OTUD7A: variants seen among roughly 807,000 people sequenced by gnomAD.
OTUD7A encodes OTU deubiquitinase 7A.
In OTUD7A, 12 loss-of-function variants were observed where a neutral mutation model predicts 65.7. That is an observed-to-expected ratio of 0.18 (90% confidence interval 0.12 to 0.30). The LOEUF (loss-of-function observed/expected upper bound fraction) is 0.30. Among genes scored for constraint, OTUD7A ranks in the 10% least tolerant of loss-of-function variants. The pLI is 1.00. For synonymous variants in OTUD7A, 641 were observed against 586.3 expected, an observed-to-expected ratio of 1.09 and a Z score of -1.35; for missense variants, 1,148 against 1,304.8, an observed-to-expected ratio of 0.88 and a Z score of 1.85.
At chr15:31,636,972 A>G (rs1256510456) in intron 3 of OTUD7A, among the ~76,000 whole-genome samples, 1 of 152,126 alleles carries the variant, frequency 6.6e-6, no homozygotes, top group Non-Finnish European at 1.5e-5. Flanking sequence ...CATCTTCAAT[A>G]ACATAAAAGT....
intron 1 of OTUD7A, among the ~76,000 whole-genome samples, chr15:31,755,081 G>A (rs1335694662): frequency 1.3e-5 from 2 of 151,342 alleles, no homozygotes; most frequent in Non-Finnish European, 3.0e-5. Context: ...GTGTGTGTGT[G>A]AAAGAGAGAA....
At chr15:31,739,291 G>A (rs1015101748) in intron 1 of OTUD7A, among the ~76,000 whole-genome samples, 2 of 152,152 alleles carry the variant, frequency 1.3e-5, no homozygotes, top group African/African-American at 4.8e-5. Flanking sequence ...GTCGCCTGAT[G>A]TCATCCAGTC....
chr15:31,753,703 T>TATATAATATATAACCTGTG, intron 1 of OTUD7A, among the ~76,000 whole-genome samples: 1 of 3,034 alleles, frequency 3.3e-4, no homozygotes, highest in African/African-American at 4.1e-4. Context: ...ATATATATAT[T>TATATAATATATAACCTGTG]ATATATATAT....
At chr15:31,764,968 C>T (rs569955473) in intron 1 of OTUD7A, among the ~76,000 whole-genome samples, 63 of 152,182 alleles carry the variant, frequency 4.1e-4, no homozygotes, top group African/African-American at 1.4e-3. Flanking sequence ...AAAATAAATA[C>T]CTTATGGAAG....
At position 31,609,491 on chromosome 15, in the gene OTUD7A, C is replaced by T. The variant is rs187491945; in HGVS notation, c.152-39294G>A. ...GCCTGCATGACTCAGCAGAGGCAGC[C>T]ATAATCCTCCCAGGAACACAACTCC... On this transcript the variant is annotated intron_variant, in intron 3 of 12. Transcript: ENST00000307050. Among the ~76,000 whole-genome samples the T allele has an allele frequency of 3.5e-3, 538 of 152,216 alleles. 5 individuals are homozygous for T. Among genetic ancestry groups the T allele is most frequent in the African/African-American group, 0.013 (521 of 41,534 alleles).
intron 3 of OTUD7A, among the ~76,000 whole-genome samples, chr15:31,643,932 G>C (rs7171868): frequency 6.6e-6 from 1 of 151,946 alleles, no homozygotes; most frequent in Non-Finnish European, 1.5e-5. Context: ...TGGAAGACCG[G>C]GCTGCAAACA....
At chr15:31,768,140 G>T in intron 1 of OTUD7A, 1 of 1,587,736 alleles carries the variant, frequency 6.3e-7, no homozygotes, top group African/African-American at 1.3e-5. Flanking sequence ...AAAAGATGTG[G>T]TAACTTCATT....
At chr15:31,778,010 C>T (rs1163131010) in intron 1 of OTUD7A, among the ~76,000 whole-genome samples, 2 of 152,008 alleles carry the variant, frequency 1.3e-5, no homozygotes, top group African/African-American at 4.8e-5. Flanking sequence ...TTCTGGTGGC[C>T]GGCCATGGGT....
intron 1 of OTUD7A, chr15:31,787,440 A>T (rs1270054335): frequency 6.6e-6 from 1 of 152,222 alleles, no homozygotes. Context: ...TCCATCAAAG[A>T]GTTAAAGATG....
At chr15:31,623,566 G>T (rs779544618) in intron 3 of OTUD7A, among the ~76,000 whole-genome samples, 6 of 152,252 alleles carry the variant, frequency 3.9e-5, no homozygotes, top group African/African-American at 9.6e-5. Context: ...CTCCGAGCCA[G>T]GCGTGGGATA....
At chr15:31,488,944 G>A (rs1319929524) in intron 10 of OTUD7A, among the ~76,000 whole-genome samples, 1 of 152,210 alleles carries the variant, frequency 6.6e-6, no homozygotes, top group Non-Finnish European at 1.5e-5. Context: ...TCTGATTTGA[G>A]AGGTCAGGGG....
chr15:31,835,739 T>C (rs1254339435), intron 1 of OTUD7A, among the ~76,000 whole-genome samples: 2 of 151,978 alleles, frequency 1.3e-5, no homozygotes, highest in East Asian at 1.9e-4. Context: ...TGTACACACA[T>C]ATATATACAT....
intron 1 of OTUD7A, among the ~76,000 whole-genome samples, chr15:31,863,708 G>C (rs972696055): frequency 3.3e-5 from 5 of 152,170 alleles, no homozygotes; most frequent in Non-Finnish European, 7.3e-5. Flanking sequence ...TTCTCCAGAG[G>C]GGCTGCCATG....
At chr15:31,688,214 CAAA>C (rs71424610) in intron 1 of OTUD7A, among the ~76,000 whole-genome samples, 2 of 134,294 alleles carry the variant, frequency 1.5e-5, no homozygotes. Flanking sequence ...GACTCCATCT[CAAA>C]AAAAAAAAAA....
rs2338934 is a variant in OTUD7A, at chr15:31,680,404, A to G, written c.-99-23327T>C. Among the ~76,000 whole-genome samples, 1,052 of 152,330 alleles carry G rather than the reference A, an allele frequency of 6.9e-3. 12 individuals carry two copies. The highest frequency in any genetic ancestry group is 0.024 in the African/African-American group (1,003 of 41,560). On this transcript the variant is annotated intron_variant, in intron 1 of 12. Transcript: ENST00000307050. ...AAAAAAGTTTGTCCATAGGAGATTGACTGAATCAAGCCTATTATATCAGTA... is the reference window on the plus strand; with the variant it reads ...AAAAAAGTTTGTCCATAGGAGATTGGCTGAATCAAGCCTATTATATCAGTA...
chr15:31,805,888 G>C (rs185412859), intron 1 of OTUD7A, among the ~76,000 whole-genome samples: 35 of 152,314 alleles, frequency 2.3e-4, no homozygotes, highest in South Asian at 2.1e-3. Flanking sequence ...AAGCAAGGGA[G>C]GAGACAAGAG....
At chr15:31,526,018 C>T (rs2042006734) in intron 8 of OTUD7A, among the ~76,000 whole-genome samples, 1 of 152,232 alleles carries the variant, frequency 6.6e-6, no homozygotes, top group Admixed American at 6.5e-5. Flanking sequence ...CTCCAGAGGC[C>T]TGCTGTGCCC....
chr15:31,563,725 A>C (rs1246697741), intron 4 of OTUD7A, among the ~76,000 whole-genome samples: 1 of 152,238 alleles, frequency 6.6e-6, no homozygotes, highest in Non-Finnish European at 1.5e-5. Context: ...ACACCAGAGC[A>C]GGGCAGTCCC....
chr15:31,610,593 T>TATATATATA (rs1890373610), intron 3 of OTUD7A, among the ~76,000 whole-genome samples: 1 of 81,020 alleles, frequency 1.2e-5, no homozygotes, highest in Non-Finnish European at 2.1e-5. Flanking sequence ...AAAAATGAAA[T>TATATATATA]TATATATATA....
Sources: allele counts gnomAD v4.1 joint callset (sites outside exome capture counted in the v4.1 genomes callset), GRCh38; gene constraint gnomAD v4.1.1; transcripts MANE v1.5; gene names NCBI Gene and HGNC (gene_info 2026-07-23, HGNC 2026-07-21).